The following DSCAM variants were observed in gnomAD, a reference collection of about 807,000 sequenced individuals.
DSCAM encodes the protein cell adhesion molecule DSCAM.
In DSCAM, 47 loss-of-function variants were observed where a neutral mutation model predicts 217.7. The ratio of observed to expected loss-of-function variants is 0.22; its 90% CI spans 0.17 to 0.28. DSCAM has a LOEUF of 0.28. Ranked by LOEUF, DSCAM falls within the 10% of genes least tolerant of loss-of-function variation. DSCAM has a pLI of 1.00. For missense variants in DSCAM, 2,080 were observed against 2,618.3 expected, an observed-to-expected ratio of 0.79 and a Z score of 4.49; for synonymous variants, 1,056 against 1,015.3, an observed-to-expected ratio of 1.04 and a Z score of -0.76.
At chr21:40,483,304 G>C (rs572874290) in intron 3 of DSCAM, among the ~76,000 whole-genome samples, 6 of 152,132 alleles carry the variant, frequency 3.9e-5, no homozygotes, top group Non-Finnish European at 8.8e-5. Flanking sequence ...GAATCTATTT[G>C]AATAGTAAGG....
At chr21:40,387,998 G>C (rs1051715451) in intron 3 of DSCAM, among the ~76,000 whole-genome samples, 1 of 151,976 alleles carries the variant, frequency 6.6e-6, no homozygotes, top group African/African-American at 2.4e-5. Context: ...ACATATGGAA[G>C]AAAGAAAGAT....
chr21:40,182,571 G>A (rs1259372291), intron 14 of DSCAM, among the ~76,000 whole-genome samples: 1 of 148,814 alleles, frequency 6.7e-6, no homozygotes, highest in Non-Finnish European at 1.5e-5. Flanking sequence ...GGAGGTACCA[G>A]AGAAACTGTG....
Position 40,020,373 on chromosome 21 carries a change from GTT to G in DSCAM, c.5687-6989_5687-6988del, listed in dbSNP as rs555084314. ...CCTTCCTTCCTTCCTTCTTTTCCTT[GTT>G]TTGTTTCCCTTGTGCTAAAACTTCT... On this transcript the variant is annotated intron_variant, in intron 32 of 32. Transcript: ENST00000400454. Among the ~76,000 whole-genome samples, 59 of 152,082 alleles carry G rather than the reference GTT, an allele frequency of 3.9e-4. 1 individual carries two copies. In the South Asian group the frequency reaches 1.0e-2, roughly 26 times the overall value.
chr21:40,329,237 C>T (rs2074349454), intron 8 of DSCAM, among the ~76,000 whole-genome samples: 1 of 152,082 alleles, frequency 6.6e-6, no homozygotes, highest in Admixed American at 6.5e-5. Context: ...GCATTGTTTA[C>T]AATAGCCAAG....
intron 4 of DSCAM, among the ~76,000 whole-genome samples, chr21:40,367,863 T>G (rs2074850778): frequency 6.6e-6 from 1 of 152,174 alleles, no homozygotes; most frequent in Non-Finnish European, 1.5e-5. Flanking sequence ...TAGGCAATCC[T>G]AGGACTCCCA....
At chr21:40,109,381 C>G (rs1212699002) in intron 20 of DSCAM, among the ~76,000 whole-genome samples, 1 of 152,324 alleles carries the variant, frequency 6.6e-6, no homozygotes, top group Non-Finnish European at 1.5e-5. Flanking sequence ...ATGCAGCCAA[C>G]AAGCATAGGA....
At chr21:40,093,303 C>A (rs945985280) in intron 21 of DSCAM, among the ~76,000 whole-genome samples, 2 of 152,186 alleles carry the variant, frequency 1.3e-5, no homozygotes, top group African/African-American at 4.8e-5. Flanking sequence ...ATTCTGTCAA[C>A]AGATAGTGAA....
At chr21:40,443,319 TAG>T (rs1489555901) in intron 3 of DSCAM, among the ~76,000 whole-genome samples, 1 of 152,226 alleles carries the variant, frequency 6.6e-6, no homozygotes, top group African/African-American at 2.4e-5. Context: ...TATGCTGCAG[TAG>T]AGTGTCAATA....
chr21:40,462,799 A>G (rs1293374614), intron 3 of DSCAM, among the ~76,000 whole-genome samples: 1 of 152,192 alleles, frequency 6.6e-6, no homozygotes, highest in Non-Finnish European at 1.5e-5. Context: ...GGTGAAAGCT[A>G]GAGCAGAATT....
chr21:40,220,544 A>G (rs1389534977), intron 11 of DSCAM, among the ~76,000 whole-genome samples: 1 of 152,200 alleles, frequency 6.6e-6, no homozygotes, highest in Non-Finnish European at 1.5e-5. Context: ...GTTTTCCTCC[A>G]TGGTACATAA....
rs182938684 is a variant in DSCAM at position 40,435,010 on chromosome 21, T to A, written c.509-65765A>T. Among the ~76,000 whole-genome samples the A allele has an allele frequency of 1.6e-3, 248 of 152,268 alleles. 1 individual carries two copies. The highest frequency in any genetic ancestry group is 3.4e-3 in the Middle Eastern group (1 of 294). ...ATCCTATCCTGAAAGACCTACATTGTCCCCAACAAGTGCTCTAGAAAGTTT... is the reference window on the plus strand; with the variant it reads ...ATCCTATCCTGAAAGACCTACATTGACCCCAACAAGTGCTCTAGAAAGTTT... On this transcript the variant is annotated intron_variant, in intron 3 of 32. Transcript: ENST00000400454.
chr21:40,012,919 T>TTA lies in DSCAM; in HGVS notation c.*114_*115insTA, dbSNP rs35506939. The TTA allele has an allele frequency of 2.5e-5, 19 of 759,418 alleles. No homozygotes were observed. Among genetic ancestry groups the TTA allele is most frequent in the African/African-American group, 1.5e-4 (8 of 54,594 alleles). The allele number at this position is 759,418 out of a possible 1,614,324, so 47.0% of individuals were successfully genotyped here. ...TTCAGTATTTTCTCTTTTTTTTTTT[T>TTA]AATATATTTTGGCAATTTTCTTTAA... On this transcript the variant is annotated 3_prime_UTR_variant, in exon 33 of 33. Transcript: ENST00000400454.
rs1275396635 is a variant in DSCAM, at chr21:40,079,533, T to C, written c.4421-556A>G. ...TATCTCATTACTCGCTCTCCTGCCATCTGACCCCACCCCACCTGGTAGGAC... is the reference window on the plus strand; with the variant it reads ...TATCTCATTACTCGCTCTCCTGCCACCTGACCCCACCCCACCTGGTAGGAC... On this transcript the variant is annotated intron_variant, in intron 25 of 32. Transcript: ENST00000400454. Among the ~76,000 whole-genome samples the C allele has an allele frequency of 2.0e-5, 3 of 152,150 alleles. No individual in the cohort carries two copies. The East Asian group carries it at 5.8e-4, about 29-fold the overall frequency.
intron 20 of DSCAM, among the ~76,000 whole-genome samples, chr21:40,117,797 T>C (rs762933399): frequency 5.9e-5 from 9 of 152,196 alleles, no homozygotes; most frequent in Non-Finnish European, 1.0e-4. Flanking sequence ...TCAAAAACCA[T>C]AGGTATAAAG....
At chr21:40,758,746 C>T (rs531258616) in intron 1 of DSCAM, among the ~76,000 whole-genome samples, 3 of 152,096 alleles carry the variant, frequency 2.0e-5, no homozygotes, top group Non-Finnish European at 4.4e-5. Flanking sequence ...GCTAACCTGG[C>T]TCCTAAAAGG....
At chr21:40,493,380 T>A (rs2076091493) in intron 3 of DSCAM, among the ~76,000 whole-genome samples, 2 of 152,074 alleles carry the variant, frequency 1.3e-5, no homozygotes, top group Admixed American at 1.3e-4. Flanking sequence ...CGAAAATATA[T>A]GAAAGTTAAA....
intron 1 of DSCAM, among the ~76,000 whole-genome samples, chr21:40,714,230 G>A (rs1047372729): frequency 6.6e-6 from 1 of 152,188 alleles, no homozygotes; most frequent in African/African-American, 2.4e-5. Context: ...AGCAGAGACT[G>A]TCCACTAGAG....
chr21:40,204,563 T>C (rs1275260957), intron 11 of DSCAM, among the ~76,000 whole-genome samples: 1 of 152,166 alleles, frequency 6.6e-6, no homozygotes, highest in Non-Finnish European at 1.5e-5. Context: ...TTTTATAGGT[T>C]TGTGGAAGGG....
At chr21:40,517,870 C>G (rs976931850) in intron 3 of DSCAM, among the ~76,000 whole-genome samples, 12 of 152,104 alleles carry the variant, frequency 7.9e-5, no homozygotes, top group Non-Finnish European at 1.5e-4. Context: ...GTTGCTGCTG[C>G]CTGTTCCTGA....
Sources: gnomAD v4.1 joint callset for allele counts (sites outside exome capture counted in the v4.1 genomes callset) on GRCh38, gnomAD v4.1.1 for gene constraint, MANE v1.5 for transcripts, NCBI Gene and HGNC (gene_info 2026-07-23, HGNC 2026-07-21) for gene names.